SHROOM2: variants seen among roughly 807,000 people sequenced by gnomAD.
SHROOM2 encodes protein Shroom2.
Under a neutral mutation model 75.9 loss-of-function variants are expected in SHROOM2, and 33 were observed. The observed-to-expected ratio is 0.43, with a 90% confidence interval of 0.33 to 0.58. The LOEUF (loss-of-function observed/expected upper bound fraction) is 0.58, where lower values mean the gene tolerates loss of function less well. SHROOM2 is among the 20% of genes least tolerant of loss of function. SHROOM2 has a pLI of 0.04. For missense variants in SHROOM2, 1,434 were observed against 1,461.2 expected (o/e 0.98, Z 0.30); for synonymous variants, 655 against 663.6 (o/e 0.99, Z 0.20).
intron 1 of SHROOM2, chrX:9,818,564 C>A: frequency 6.6e-6 from 2 of 304,490 alleles, no homozygotes; most frequent in Non-Finnish European, 1.2e-5. Context: ...TGCTACCCCA[C>A]ACGTAAAGCC....
intron 1 of SHROOM2, among the ~76,000 whole-genome samples, chrX:9,805,864 G>T (rs755704702): frequency 9.5e-6 from 1 of 104,787 alleles, no homozygotes; most frequent in South Asian, 4.5e-4. Flanking sequence ...AGATCACGCC[G>T]TTGCACTCCA....
rs554736082 is a variant in SHROOM2, at chrX:9,849,802, A to G, written c.166-23850A>G. Among the ~76,000 whole-genome samples, 4 of 112,281 alleles carry G rather than the reference A, an allele frequency of 3.6e-5. No individual in the cohort carries two copies. The South Asian group carries it at 1.5e-3, about 41-fold the overall frequency. On this transcript the variant is annotated intron_variant, in intron 1 of 9. Transcript: ENST00000380913. The stretch of plus-strand genomic sequence containing the variant: ...TCCCTAGCTTGTAGGTACAATGAAG[A>G]TAACACCAGCAGACAAGATAGGATA...
At chrX:9,862,300 A>G (rs1264024322) in intron 1 of SHROOM2, among the ~76,000 whole-genome samples, 1 of 111,090 alleles carries the variant, frequency 9.0e-6, no homozygotes, top group African/African-American at 3.3e-5. Context: ...GCTGGGGCAC[A>G]GAGTACCTGA....
chrX:9,894,023 CTG>C (rs1428660776), intron 3 of SHROOM2, among the ~76,000 whole-genome samples: 1 of 110,607 alleles, frequency 9.0e-6, no homozygotes, highest in Non-Finnish European at 1.9e-5. Flanking sequence ...CTGCGCTTAA[CTG>C]TTGATTGACC....
At chrX:9,808,838 G>C (rs1384423258) in intron 1 of SHROOM2, among the ~76,000 whole-genome samples, 1 of 110,508 alleles carries the variant, frequency 9.0e-6, no homozygotes, top group Non-Finnish European at 1.9e-5. Context: ...CTCCAGCCTG[G>C]GGGACAAGAG....
chrX:9,789,150 C>G (rs953634496), intron 1 of SHROOM2, among the ~76,000 whole-genome samples: 1 of 111,625 alleles, frequency 9.0e-6, no homozygotes, highest in African/African-American at 3.3e-5. Flanking sequence ...CTTGCTTCAT[C>G]TGCATTTTTT....
intron 1 of SHROOM2, among the ~76,000 whole-genome samples, chrX:9,868,288 C>G (rs964894376): frequency 4.6e-5 from 5 of 109,484 alleles, no homozygotes; most frequent in African/African-American, 1.7e-4. Flanking sequence ...CGCTGTCGCC[C>G]AGGCTGGAGT....
chrX:9,906,242 G>A (rs778086786), intron 5 of SHROOM2, among the ~76,000 whole-genome samples: 2 of 111,806 alleles, frequency 1.8e-5, no homozygotes, highest in East Asian at 2.8e-4. Flanking sequence ...AGGCACATCC[G>A]TAGATAGAAA....
In SHROOM2 at chrX:9,822,718, C is replaced by G. The variant is rs188638948; in HGVS notation, c.165+36008C>G. On this transcript the variant is annotated intron_variant, in intron 1 of 9. Transcript: ENST00000380913. ...CAGGTGGCAGCTCCAGAAAGCTCTG[C>G]GGAGGGAATGGCCAAATCTGGTGCA... is the stretch of plus-strand genomic sequence containing the variant. Among the ~76,000 whole-genome samples, 4 of 112,316 alleles carry G rather than the reference C, an allele frequency of 3.6e-5. No homozygotes were observed. The South Asian group carries it at 1.1e-3, about 31-fold the overall frequency.
At chrX:9,848,301 G>A (rs953523111) in intron 1 of SHROOM2, among the ~76,000 whole-genome samples, 1 of 104,716 alleles carries the variant, frequency 9.5e-6, no homozygotes, top group Non-Finnish European at 2.0e-5. Context: ...TCAGGAGATC[G>A]AGACCATCCT....
chrX:9,823,616 A>G (rs1295363686), intron 1 of SHROOM2, among the ~76,000 whole-genome samples: 3 of 111,615 alleles, frequency 2.7e-5, no homozygotes, highest in Non-Finnish European at 3.8e-5. Flanking sequence ...AAACAGAATC[A>G]GGTAGTAGTT....
chrX:9,830,762 C>T (rs1311564734), intron 1 of SHROOM2, among the ~76,000 whole-genome samples: 10 of 108,694 alleles, frequency 9.2e-5, no homozygotes, highest in African/African-American at 1.0e-4. Context: ...CCACCATGCC[C>T]GGCTAATATT....
chrX:9,862,742 GA>G (rs2084111543), intron 1 of SHROOM2, among the ~76,000 whole-genome samples: 1 of 112,483 alleles, frequency 8.9e-6, no homozygotes, highest in East Asian at 2.8e-4. Flanking sequence ...CAGCACTGGA[GA>G]AACGCCCACA....
intron 1 of SHROOM2, among the ~76,000 whole-genome samples, chrX:9,805,399 C>T (rs1398902673): frequency 2.7e-5 from 3 of 112,049 alleles, no homozygotes; most frequent in Non-Finnish European, 5.6e-5. Context: ...TATTTCTGTC[C>T]CCCCAAAATT....
chrX:9,791,470 G>A lies in SHROOM2; in HGVS notation c.165+4760G>A, dbSNP rs183605140. ...CTTTTCTTCTTGCACACCGGGTGCA[G>A]CGGAAACATTCTACACGATAATGTT... On this transcript the variant is annotated intron_variant, in intron 1 of 9. Transcript: ENST00000380913. Among the ~76,000 whole-genome samples the A allele has an allele frequency of 3.4e-3, 380 of 112,274 alleles. 6 individuals are homozygous for A. Among genetic ancestry groups the A allele is most frequent in the Admixed American group, 0.031 (323 of 10,551 alleles).
chrX:9,830,474 G>A (rs1431729274), intron 1 of SHROOM2, among the ~76,000 whole-genome samples: 1 of 109,798 alleles, frequency 9.1e-6, no homozygotes, highest in Non-Finnish European at 1.9e-5. Context: ...CCGACATAGA[G>A]CTTGATAATT....
intron 7 of SHROOM2, among the ~76,000 whole-genome samples, chrX:9,938,002 G>A (rs5933790): frequency 0.14 from 15,384 of 110,126 alleles, 910 homozygotes; most frequent in Middle Eastern, 0.21. Flanking sequence ...AGTGGGGGCC[G>A]CTGTCTACCC....
intron 1 of SHROOM2, among the ~76,000 whole-genome samples, chrX:9,864,218 C>A (rs773110856): frequency 6.9e-4 from 77 of 111,341 alleles, no homozygotes; most frequent in African/African-American, 2.2e-3. Context: ...CACAGTCACT[C>A]ACCGTTATCA....
At chrX:9,807,915 G>A (rs1422635329) in intron 1 of SHROOM2, among the ~76,000 whole-genome samples, 3 of 111,369 alleles carry the variant, frequency 2.7e-5, no homozygotes, top group East Asian at 2.8e-4. Flanking sequence ...AGAGAGGGGC[G>A]TGGTTCAGCA....
Sources: gnomAD v4.1 joint callset for allele counts (sites outside exome capture counted in the v4.1 genomes callset) on GRCh38, gnomAD v4.1.1 for gene constraint, MANE v1.5 for transcripts, NCBI Gene and HGNC (gene_info 2026-07-23, HGNC 2026-07-21) for gene names.